The following TSPAN8 variants were observed in gnomAD, a reference collection of about 807,000 sequenced individuals.
The protein encoded by TSPAN8 is tetraspanin-8.
In TSPAN8, 21 loss-of-function variants were observed where a neutral mutation model predicts 32.8. That is an observed-to-expected ratio of 0.64 (90% CI 0.45 to 0.92). The LOEUF is 0.92. Among genes scored for constraint, TSPAN8 ranks in the 40% least tolerant of loss-of-function variants. TSPAN8 has a pLI of 0.00. For synonymous variants in TSPAN8, 95 were observed against 94.6 expected (o/e 1.00, Z -0.03); for missense variants, 269 against 281.9 (o/e 0.95, Z 0.33).
chr12:71,137,309 G>A (rs1705232), intron 6 of TSPAN8, among the ~76,000 whole-genome samples: 55,548 of 151,800 alleles, frequency 0.37, 10,891 homozygotes, highest in African/African-American at 0.42. Context: ...TTAAAAAGAA[G>A]AGAGAGAGGC....
At chr12:71,129,612 T>C (rs1006046393) in intron 7 of TSPAN8, among the ~76,000 whole-genome samples, 198 bp from the exon 8 acceptor site, 1 of 152,166 alleles carries the variant, frequency 6.6e-6, no homozygotes, top group Non-Finnish European at 1.5e-5. Flanking sequence ...TGTTTATACA[T>C]TGAAAAGCAA....
chr12:71,148,579 A>C (rs953847832), intron 2 of TSPAN8, among the ~76,000 whole-genome samples: 3 of 152,100 alleles, frequency 2.0e-5, no homozygotes, highest in African/African-American at 7.2e-5. Flanking sequence ...CCATATATTA[A>C]TTTGATTATT....
intron 2 of TSPAN8, among the ~76,000 whole-genome samples, chr12:71,156,600 A>G (rs551166583): frequency 6.6e-6 from 1 of 152,340 alleles, no homozygotes; most frequent in African/African-American, 2.4e-5. Context: ...TCTATACAAT[A>G]AAGCTGTATT....
chr12:71,140,140 T>C (rs1871855853), intron 3 of TSPAN8, among the ~76,000 whole-genome samples: 1 of 152,236 alleles, frequency 6.6e-6, no homozygotes, highest in African/African-American at 2.4e-5. Flanking sequence ...CTTCTTGATG[T>C]AATCTTTGGT....
At chr12:71,143,770 C>T (rs948869706) in intron 3 of TSPAN8, among the ~76,000 whole-genome samples, 2 of 152,110 alleles carry the variant, frequency 1.3e-5, no homozygotes, top group Non-Finnish European at 2.9e-5. Flanking sequence ...ATTGTCAAAA[C>T]CTTCTACTAT....
In TSPAN8 at chr12:71,135,520, GA is replaced by G. The variant is rs1565784334; in HGVS notation, c.444+2432del. Reference sequence around the variant, plus strand: ...GAAAAGGAAGAAGGAGGAGGAGAAGGAGGAGAAGGGGAAGGAGAAGGAAAGA... The same window carrying G: ...GAAAAGGAAGAAGGAGGAGGAGAAGGGGAGAAGGGGAAGGAGAAGGAAAGA... On this transcript the variant is annotated intron_variant, in intron 6 of 8. Coordinates refer to ENST00000247829, the MANE Select transcript of TSPAN8 (RefSeq NM_004616.3). Among the ~76,000 whole-genome samples the G allele has an allele frequency of 4.7e-3, 238 of 51,040 alleles. 1 individual carries two copies. Among genetic ancestry groups the G allele is most frequent in the African/African-American group, 0.012 (228 of 18,274 alleles). 33.5% of individuals were successfully genotyped at this position (51,040 alleles called of 152,430 possible).
intron 2 of TSPAN8, among the ~76,000 whole-genome samples, 198 bp from the exon 3 acceptor site, chr12:71,144,411 A>G (rs748886672): frequency 9.9e-5 from 15 of 152,212 alleles, no homozygotes; most frequent in Admixed American, 2.6e-4. Flanking sequence ...GATGAGAATA[A>G]TTCTATTTCT....
chr12:71,150,852 TC>T (rs1373449250), intron 2 of TSPAN8, among the ~76,000 whole-genome samples: 3 of 152,130 alleles, frequency 2.0e-5, no homozygotes, highest in African/African-American at 7.2e-5. Context: ...TGGCTCCCAC[TC>T]TCTCTTGCCT....
chr12:71,140,338 T>C (rs1592405016), intron 3 of TSPAN8, among the ~76,000 whole-genome samples: 1 of 152,278 alleles, frequency 6.6e-6, no homozygotes, highest in East Asian at 1.9e-4. Flanking sequence ...TCCATTTCTA[T>C]AAAGTTCAAT....
chr12:71,157,426 T>G, intron 2 of TSPAN8, 193 bp downstream of exon 2: 1 of 506,018 alleles, frequency 2.0e-6, no homozygotes, highest in Non-Finnish European at 3.5e-6. Context: ...TGAAGTGCAC[T>G]TTTTTGAGTC....
intron 6 of TSPAN8, among the ~76,000 whole-genome samples, chr12:71,134,088 A>G (rs1047835106): frequency 6.6e-6 from 1 of 152,206 alleles, no homozygotes; most frequent in Non-Finnish European, 1.5e-5. Context: ...CCTCTGTGCC[A>G]AAGTTTGTTC....
At chr12:71,157,372 TGCAGCAA>T in intron 2 of TSPAN8, 1 of 398,706 alleles carries the variant, frequency 2.5e-6, no homozygotes, top group Middle Eastern at 7.1e-4. Flanking sequence ...GATTTTTTTT[TGCAGCAA>T]TATGAAAACA....
intron 7 of TSPAN8, among the ~76,000 whole-genome samples, chr12:71,129,901 A>T (rs1414202073): frequency 2.0e-5 from 3 of 151,226 alleles, no homozygotes; most frequent in Non-Finnish European, 4.4e-5. Flanking sequence ...AGATAATAAT[A>T]TTGTAAATTT....
At chr12:71,126,004 A>G (rs1337612038) in intron 8 of TSPAN8, among the ~76,000 whole-genome samples, 1 of 152,188 alleles carries the variant, frequency 6.6e-6, no homozygotes, top group African/African-American at 2.4e-5. Flanking sequence ...AGCTCTCCCA[A>G]GAATGAGGGA....
In TSPAN8 at chr12:71,138,204, C is replaced by G; in HGVS notation, c.288G>C (p.Leu96=). Residue 96 remains leucine, a synonymous_variant, in exon 5 of 9, where the codon CTG becomes CTC. Coordinates refer to ENST00000247829, the MANE Select transcript of TSPAN8 (RefSeq NM_004616.3). The part of the protein sequence containing the change: ...LLFFIGLLLI[L]LLQVATGILG... ...GGATACCTGTCGCCACCTGCAGGAG[C>G]AGGATCAGAAGCAAGCCTATGAAAA... The G allele has an allele frequency of 6.2e-7, 1 of 1,613,956 alleles. No individual in the cohort carries two copies. Among genetic ancestry groups the G allele is most frequent in the Admixed American group, 1.7e-5 (1 of 59,994 alleles).
At chr12:71,141,799 T>G (rs967387241) in intron 3 of TSPAN8, among the ~76,000 whole-genome samples, 3 of 152,326 alleles carry the variant, frequency 2.0e-5, no homozygotes, top group Middle Eastern at 3.4e-3. Flanking sequence ...CTGTCTTGAA[T>G]GAACACTGTG....
intron 2 of TSPAN8, among the ~76,000 whole-genome samples, chr12:71,150,799 C>G (rs1184803128): frequency 6.6e-6 from 1 of 152,078 alleles, no homozygotes. Flanking sequence ...GTGAATAATT[C>G]TCATGAGATC....
At chr12:71,126,581 A>C (rs756526300) in intron 8 of TSPAN8, among the ~76,000 whole-genome samples, 2 of 152,178 alleles carry the variant, frequency 1.3e-5, no homozygotes, top group East Asian at 3.9e-4. Context: ...AAAAAAGCAC[A>C]TAATTAAAAG....
chr12:71,137,246 C>T (rs1473928209), intron 6 of TSPAN8, among the ~76,000 whole-genome samples: 1 of 152,114 alleles, frequency 6.6e-6, no homozygotes, highest in Non-Finnish European at 1.5e-5. Context: ...TACTACTGCA[C>T]TCCAGGCTGA....
Sources: allele counts gnomAD v4.1 joint callset (sites outside exome capture counted in the v4.1 genomes callset), GRCh38; gene constraint gnomAD v4.1.1; transcripts MANE v1.5; gene names NCBI Gene and HGNC (gene_info 2026-07-23, HGNC 2026-07-21).